The following TENM2 variants were observed in gnomAD, a reference collection of about 807,000 sequenced individuals.
TENM2 encodes teneurin-2.
In TENM2, 52 loss-of-function variants were observed where a neutral mutation model predicts 245.2. That is an observed-to-expected ratio of 0.21 (90% CI 0.17 to 0.27). The LOEUF (loss-of-function observed/expected upper bound fraction) is 0.27. Ranked by LOEUF, TENM2 falls within the 10% of genes least tolerant of loss-of-function variation. The pLI is 1.00. For synonymous variants in TENM2, 1,363 were observed against 1,438.9 expected, an observed-to-expected ratio of 0.95 and a Z score of 1.19; for missense variants, 3,046 against 3,666.8, an observed-to-expected ratio of 0.83 and a Z score of 4.37.
intron 2 of TENM2, among the ~76,000 whole-genome samples, chr5:167,430,788 TAAC>T (rs1281538237): frequency 6.6e-6 from 1 of 152,206 alleles, no homozygotes; most frequent in African/African-American, 2.4e-5. Context: ...TTTCTTCTAA[TAAC>T]AACATTTCTA....
intron 1 of TENM2, among the ~76,000 whole-genome samples, chr5:167,322,972 A>G (rs939687656): frequency 1.3e-5 from 2 of 152,242 alleles, no homozygotes; most frequent in Admixed American, 1.3e-4. Flanking sequence ...GTCATGTGCT[A>G]TTATTATGTA....
intron 17 of TENM2, among the ~76,000 whole-genome samples, chr5:168,201,148 C>A (rs1382958162): frequency 6.6e-6 from 1 of 152,150 alleles, no homozygotes; most frequent in East Asian, 1.9e-4. Context: ...ACAGGTCACA[C>A]CTGCTCAGAA....
intron 2 of TENM2, among the ~76,000 whole-genome samples, chr5:167,746,538 C>T (rs895835896): frequency 6.6e-6 from 1 of 152,106 alleles, no homozygotes; most frequent in Admixed American, 6.6e-5. Context: ...GTCTGAATTA[C>T]GTGGAACCAA....
chr5:168,210,017 A>C (rs996770659), intron 19 of TENM2, among the ~76,000 whole-genome samples: 48 of 152,296 alleles, frequency 3.2e-4, no homozygotes, highest in African/African-American at 1.2e-3. Context: ...CCCATCTGAA[A>C]CACCACTTTT....
intron 2 of TENM2, among the ~76,000 whole-genome samples, chr5:167,767,640 G>A (rs1476537310): frequency 6.6e-6 from 1 of 152,192 alleles, no homozygotes; most frequent in African/African-American, 2.4e-5. Flanking sequence ...GAAAAGAGAA[G>A]AGGCTACTGC....
At chr5:168,013,062 GC>G (rs1785372788) in intron 5 of TENM2, among the ~76,000 whole-genome samples, 1 of 152,020 alleles carries the variant, frequency 6.6e-6, no homozygotes, top group Non-Finnish European at 1.5e-5. Flanking sequence ...CAAATTATTT[GC>G]CCCTCTTACC....
intron 25 of TENM2, among the ~76,000 whole-genome samples, chr5:168,234,290 T>C (rs1490474658): frequency 6.6e-6 from 1 of 152,080 alleles, no homozygotes; most frequent in Non-Finnish European, 1.5e-5. Flanking sequence ...GGAAGAAAGA[T>C]TGACCTGGCA....
At chr5:167,830,878 C>T (rs995006898) in intron 2 of TENM2, among the ~76,000 whole-genome samples, 2 of 152,176 alleles carry the variant, frequency 1.3e-5, no homozygotes, top group African/African-American at 4.8e-5. Context: ...GATGATGCTG[C>T]TGCTTGTCCA....
At chr5:167,463,683 G>A (rs1384845344) in intron 2 of TENM2, among the ~76,000 whole-genome samples, 1 of 151,988 alleles carries the variant, frequency 6.6e-6, no homozygotes, top group Admixed American at 6.6e-5. Flanking sequence ...ATTTTTAGTA[G>A]AGAAGGGGTT....
At chr5:167,599,413 C>T (rs1206650061) in intron 2 of TENM2, among the ~76,000 whole-genome samples, 1 of 152,096 alleles carries the variant, frequency 6.6e-6, no homozygotes, top group Non-Finnish European at 1.5e-5. Context: ...AACCATATAA[C>T]TCTCAAGTGC....
chr5:167,706,740 C>T (rs946730019), intron 2 of TENM2, among the ~76,000 whole-genome samples: 3 of 151,810 alleles, frequency 2.0e-5, no homozygotes, highest in South Asian at 2.1e-4. Flanking sequence ...CCCGGCCGGG[C>T]GCGGTGGCTC....
intron 2 of TENM2, among the ~76,000 whole-genome samples, chr5:167,858,453 C>T (rs1771291890): frequency 6.6e-6 from 1 of 152,248 alleles, no homozygotes; most frequent in South Asian, 2.1e-4. Context: ...ATGCAAACTC[C>T]TCACTCACTT....
intron 1 of TENM2, among the ~76,000 whole-genome samples, chr5:167,338,278 C>T (rs956401869): frequency 3.3e-5 from 5 of 152,108 alleles, no homozygotes; most frequent in African/African-American, 1.2e-4. Context: ...TATTTATTTC[C>T]CCACCCCATG....
rs144636916 is a variant in TENM2, at chr5:167,489,751, G to A, written c.502+114278G>A. ...TATGTACTGGATATACATGCTTTTC[G>A]TAAGTGAATGAATAATATGATTGCC... On this transcript the variant is annotated intron_variant, in intron 2 of 28. Transcript: ENST00000518659. Among the ~76,000 whole-genome samples the A allele has an allele frequency of 3.9e-3, 594 of 152,114 alleles. 3 individuals are homozygous for A. Among genetic ancestry groups the A allele is most frequent in the Middle Eastern group, 0.01 (3 of 294 alleles).
At chr5:167,694,189 C>T (rs1373252137) in intron 2 of TENM2, among the ~76,000 whole-genome samples, 1 of 152,154 alleles carries the variant, frequency 6.6e-6, no homozygotes, top group South Asian at 2.1e-4. Context: ...CCCAAGTGAG[C>T]CCATTTAACA....
At chr5:167,503,528 T>G (rs553109573) in intron 2 of TENM2, among the ~76,000 whole-genome samples, 54 of 151,718 alleles carry the variant, frequency 3.6e-4, no homozygotes, top group African/African-American at 1.3e-3. Context: ...TTTTTTTTTT[T>G]TGGTGGTTGG....
chr5:167,608,076 T>C (rs895588459), intron 2 of TENM2, among the ~76,000 whole-genome samples: 1 of 152,170 alleles, frequency 6.6e-6, no homozygotes, highest in Non-Finnish European at 1.5e-5. Flanking sequence ...AAATATTTGG[T>C]GCCCAGAAGG....
intron 25 of TENM2, chr5:168,241,240 CTCTTT>C (rs1404561745): frequency 5.4e-5 from 8 of 147,684 alleles, no homozygotes; most frequent in Non-Finnish European, 3.0e-5. Context: ...TTGATGCATT[CTCTTT>C]TCTTTTTCTT....
chr5:167,157,798 T>C, the TENM2 span, among the ~76,000 whole-genome samples: 1 of 152,362 alleles, frequency 6.6e-6, no homozygotes, highest in East Asian at 1.9e-4. Flanking sequence ...GAATACTTTT[T>C]TGTTACTCAT....
Sources: gnomAD v4.1 joint callset for allele counts (sites outside exome capture counted in the v4.1 genomes callset) on GRCh38, gnomAD v4.1.1 for gene constraint, MANE v1.5 for transcripts, NCBI Gene and HGNC (gene_info 2026-07-23, HGNC 2026-07-21) for gene names.